The following COL5A1 variants were observed in gnomAD, a reference collection of about 807,000 sequenced individuals.
COL5A1 encodes collagen alpha-1(V) chain.
COL5A1 carries 16 observed loss-of-function variants against 263.7 expected under a neutral mutation model. The ratio of observed to expected loss-of-function variants is 0.06; its 90% CI spans 0.04 to 0.09. The LOEUF is 0.09. Among genes scored for constraint, COL5A1 ranks in the 10% least tolerant of loss-of-function variants. The pLI is 1.00. For missense variants in COL5A1, 2,036 were observed against 2,540.5 expected (o/e 0.80, Z 4.27); for synonymous variants, 1,012 against 1,004.5 (o/e 1.01, Z -0.14).
At chr9:134,785,589 C>T (rs1457942653) in intron 30 of COL5A1, among the ~76,000 whole-genome samples, 1 of 152,226 alleles carries the variant, frequency 6.6e-6, no homozygotes, top group Non-Finnish European at 1.5e-5. Context: ...ACCCTGTTTC[C>T]ACCCTGGGCT....
Position 134,824,779 on chromosome 9 carries a change from A to G in COL5A1, c.4878A>G (p.Lys1626=), listed in dbSNP as rs1266628720. 2 of 1,613,978 alleles carry G rather than the reference A, an allele frequency of 1.2e-6. No homozygotes were observed. The highest frequency in any genetic ancestry group is 1.1e-5 in the South Asian group (1 of 91,088). ...TGAAGCTGGAGATTGAGCAGATGAAACGGCCCCTGGGCACGCAGCAGAACC... is the reference window on the plus strand; with the variant it reads ...TGAAGCTGGAGATTGAGCAGATGAAGCGGCCCCTGGGCACGCAGCAGAACC... ...NSLKLEIEQM[K]RPLGTQQNPA... is the part of the protein sequence containing the mutation. Residue 1626 remains lysine (K), a synonymous_variant, in exon 62 of 66, where the codon AAA becomes AAG. Coordinates refer to ENST00000371817, the MANE Select transcript of COL5A1 (RefSeq NM_000093.5).
chr9:134,841,620 C>T lies in COL5A1; in HGVS notation c.5371-537C>T, dbSNP rs1030033012. On this transcript the variant is annotated intron_variant, in intron 65 of 65. Coordinates refer to ENST00000371817, the MANE Select transcript of COL5A1 (RefSeq NM_000093.5). This position sits in a 1 kb window ranked among gnomAD's most constrained non-coding sequence, Gnocchi z 4.8. Reference sequence around the variant, plus strand: ...TACTTGTGGAGGTGAAGACCCAGCCCACCGAGTGCCTAAGGCAGTGTGTGG... The same window carrying T: ...TACTTGTGGAGGTGAAGACCCAGCCTACCGAGTGCCTAAGGCAGTGTGTGG... Among the ~76,000 whole-genome samples, 5 of 152,178 alleles carry T rather than the reference C, an allele frequency of 3.3e-5. No individual in the cohort carries two copies. Among genetic ancestry groups the T allele is most frequent in the African/African-American group, 1.2e-4 (5 of 41,438 alleles).
At chr9:134,719,231 A>G (rs1277421444) in intron 4 of COL5A1, among the ~76,000 whole-genome samples, 1 of 152,228 alleles carries the variant, frequency 6.6e-6, no homozygotes, top group African/African-American at 2.4e-5. Flanking sequence ...CATACCATAT[A>G]CATATGCATA....
chr9:134,822,324 AGAAAG>A (rs1293274395), intron 59 of COL5A1, among the ~76,000 whole-genome samples, 174 bp downstream of exon 59: 1 of 152,186 alleles, frequency 6.6e-6, no homozygotes, highest in Non-Finnish European at 1.5e-5. Flanking sequence ...AGGAGACAGA[AGAAAG>A]GAAGTGGCGT....
chr9:134,654,316 G>A (rs1831824881), intron 1 of COL5A1, among the ~76,000 whole-genome samples: 1 of 125,252 alleles, frequency 8.0e-6, no homozygotes, highest in African/African-American at 3.1e-5. Context: ...CTGGAGGAGT[G>A]TAGGGCTGGG....
In COL5A1 at chr9:134,811,508, C is replaced by T. The variant is rs781363147; in HGVS notation, c.3599C>T (p.Pro1200Leu). Residue 1200 changes from proline to leucine, a missense_variant, in exon 46 of 66, where the codon CCG (proline) becomes CTG (leucine). Physicochemically the swap from Pro to Leu is moderately conservative, Grantham distance 98. Coordinates refer to ENST00000371817, the MANE Select transcript of COL5A1 (RefSeq NM_000093.5). ...TCCCTGCAGGGAGCTGACGGCGAGC[C>T]GGGGCCTCGGGGCCAGCAGGGCCTT... is the stretch of plus-strand genomic sequence containing the variant. ...QPGPSGADGE[P>L]GPRGQQGLFG... 7.5e-6 allele frequency: 12 copies of T among 1,610,614 alleles called. No individual in the cohort carries two copies. In the East Asian group the frequency reaches 8.9e-5, roughly 12 times the overall value.
At chr9:134,663,792 C>G (rs1832278852) in intron 1 of COL5A1, among the ~76,000 whole-genome samples, 1 of 152,204 alleles carries the variant, frequency 6.6e-6, no homozygotes, top group Non-Finnish European at 1.5e-5. Flanking sequence ...CATTCTCTTT[C>G]ATTCACGACA....
chr9:134,707,565 TGGGATTCCTGTGAGTGGGAAC>T (rs1833881866), intron 4 of COL5A1, among the ~76,000 whole-genome samples: 1 of 63,292 alleles, frequency 1.6e-5, no homozygotes, highest in African/African-American at 6.6e-5. Flanking sequence ...AGAGGAGCCC[TGGGATTCCTGTGAGTGGGAAC>T]GTCCCCCAGG....
At chr9:134,793,925 C>T (rs1486429985) in intron 32 of COL5A1, among the ~76,000 whole-genome samples, 1 of 152,112 alleles carries the variant, frequency 6.6e-6, no homozygotes, top group South Asian at 2.1e-4. Context: ...AAATGGGAGA[C>T]TCTAGGAAGC....
intron 1 of COL5A1, among the ~76,000 whole-genome samples, chr9:134,655,314 C>G (rs544478145): frequency 1.3e-5 from 2 of 151,888 alleles, no homozygotes; most frequent in African/African-American, 4.8e-5. Flanking sequence ...AGTCCCCACC[C>G]GAGGGAGGCG....
At chr9:134,728,572 T>A in intron 5 of COL5A1, 98 bp from the exon 6 acceptor site, 3 of 1,561,062 alleles carry the variant, frequency 1.9e-6, no homozygotes, top group Non-Finnish European at 2.6e-6. Context: ...GGACGGGGCG[T>A]CGTGGCGTGC....
intron 25 of COL5A1, among the ~76,000 whole-genome samples, chr9:134,769,460 G>T (rs995792803): frequency 4.6e-5 from 7 of 152,204 alleles, no homozygotes; most frequent in African/African-American, 1.7e-4. Flanking sequence ...ATATTTCATT[G>T]CCCTTTCTAA....
At chr9:134,752,425 G>C (rs879060203) in intron 13 of COL5A1, among the ~76,000 whole-genome samples, 164 bp from the exon 14 acceptor site, 5 of 150,516 alleles carry the variant, frequency 3.3e-5, no homozygotes, top group African/African-American at 5.0e-5. Flanking sequence ...AAGTCGGGGG[G>C]GGGGGGCCCT....
intron 4 of COL5A1, among the ~76,000 whole-genome samples, chr9:134,725,088 C>T (rs1834598806): frequency 6.6e-6 from 1 of 152,202 alleles, no homozygotes; most frequent in Admixed American, 6.5e-5. Flanking sequence ...TTGCCTGCGG[C>T]ACCGTCTCTG....
chr9:134,815,008 C>A, intron 50 of COL5A1, 104 bp downstream of exon 50: 1 of 794,972 alleles, frequency 1.3e-6, no homozygotes. Flanking sequence ...AGAACAGCTT[C>A]AAGACCATTC....
intron 16 of COL5A1, 126 bp from the exon 17 acceptor site, chr9:134,756,639 C>A: frequency 9.5e-7 from 1 of 1,054,532 alleles, no homozygotes; most frequent in Non-Finnish European, 1.5e-6. Context: ...GCCACTCGGG[C>A]TGTGACCTTG....
chr9:134,826,805 CAGGTGTGT>C (rs1839293195), intron 63 of COL5A1, among the ~76,000 whole-genome samples: 1 of 134,492 alleles, frequency 7.4e-6, no homozygotes, highest in Non-Finnish European at 1.6e-5. Flanking sequence ...GTGGCTGGTG[CAGGTGTGT>C]GGGTGTGTGG....
chr9:134,728,521 AC>A (rs1834740354), intron 5 of COL5A1, 148 bp from the exon 6 acceptor site: 2 of 1,045,510 alleles, frequency 1.9e-6, no homozygotes, highest in Admixed American at 3.5e-5. Context: ...AGAGGGAGGA[AC>A]CCCATCCGGG....
chr9:134,734,147 C>T (rs1045187624), intron 9 of COL5A1, among the ~76,000 whole-genome samples: 17 of 152,150 alleles, frequency 1.1e-4, no homozygotes, highest in African/African-American at 4.1e-4. Flanking sequence ...AGGTTTTCCA[C>T]TGCCAGGCAC....
Sources: allele counts gnomAD v4.1 joint callset (sites outside exome capture counted in the v4.1 genomes callset), GRCh38; gene constraint gnomAD v4.1.1; non-coding constraint Gnocchi (gnomAD v3.1); transcripts MANE v1.5; gene names NCBI Gene and HGNC (gene_info 2026-07-23, HGNC 2026-07-21).